PHACTR1: variants seen among roughly 807,000 people sequenced by gnomAD.
The protein encoded by PHACTR1 is phosphatase and actin regulator 1, also known as RPEL repeat containing 1.
In PHACTR1, 16 loss-of-function variants were observed where a neutral mutation model predicts 69.2. The observed-to-expected ratio is 0.23, with a 90% CI of 0.16 to 0.35. The LOEUF (loss-of-function observed/expected upper bound fraction) is 0.35, where lower values mean the gene tolerates loss of function less well. Ranked by LOEUF, PHACTR1 falls within the 10% of genes least tolerant of loss-of-function variation. The pLI, the probability that PHACTR1 is intolerant of heterozygous loss-of-function variation, is 1.00. For synonymous variants in PHACTR1, 312 were observed against 284.5 expected, an observed-to-expected ratio of 1.10 and a Z score of -0.97; for missense variants, 510 against 734.7, an observed-to-expected ratio of 0.69 and a Z score of 3.54.
chr6:13,231,041 G>GAGAA (rs1562036461), intron 10 of PHACTR1, among the ~76,000 whole-genome samples: 1 of 92,276 alleles, frequency 1.1e-5, no homozygotes, highest in Non-Finnish European at 2.0e-5. Flanking sequence ...GAGAGAGAGA[G>GAGAA]AGAAAGGAAG....
intron 4 of PHACTR1, among the ~76,000 whole-genome samples, chr6:12,827,045 C>T (rs1444012910): frequency 6.6e-6 from 1 of 152,206 alleles, no homozygotes; most frequent in Non-Finnish European, 1.5e-5. Context: ...CACTCGTTAT[C>T]GTCCTTCTTT....
chr6:12,766,833 A>G (rs1392417531), intron 4 of PHACTR1, among the ~76,000 whole-genome samples: 1 of 152,212 alleles, frequency 6.6e-6, no homozygotes, highest in Non-Finnish European at 1.5e-5. Flanking sequence ...TAATGTTCAA[A>G]TGTTTATTTC....
At chr6:12,952,105 G>C (rs1290701716) in intron 4 of PHACTR1, among the ~76,000 whole-genome samples, 1 of 152,118 alleles carries the variant, frequency 6.6e-6, no homozygotes, top group African/African-American at 2.4e-5. Flanking sequence ...AGCAGTTTTA[G>C]GTTCACAGCA....
At chr6:12,933,689 CTT>C in intron 4 of PHACTR1, 1 of 1,612,824 alleles carries the variant, frequency 6.2e-7, no homozygotes, top group Non-Finnish European at 8.5e-7. Context: ...AGTGCCAACT[CTT>C]GGGCGTCCTC....
intron 4 of PHACTR1, among the ~76,000 whole-genome samples, chr6:12,936,735 TC>T (rs1419183679): frequency 1.3e-5 from 2 of 152,218 alleles, no homozygotes; most frequent in African/African-American, 4.8e-5. Context: ...TGCAAGCAGG[TC>T]AAGAATTAGC....
At chr6:13,012,445 A>C (rs886305541) in intron 4 of PHACTR1, among the ~76,000 whole-genome samples, 1 of 152,236 alleles carries the variant, frequency 6.6e-6, no homozygotes, top group African/African-American at 2.4e-5. Flanking sequence ...GTGACAGTGC[A>C]TTCTTTAACT....
chr6:13,056,191 T>C (rs1225167082), intron 5 of PHACTR1, among the ~76,000 whole-genome samples: 1 of 152,204 alleles, frequency 6.6e-6, no homozygotes, highest in Admixed American at 6.5e-5. Flanking sequence ...GAGGATCCCT[T>C]GAGCCCAGGA....
chr6:13,040,875 C>T (rs931747286), intron 4 of PHACTR1, among the ~76,000 whole-genome samples: 1 of 152,072 alleles, frequency 6.6e-6, no homozygotes, highest in Non-Finnish European at 1.5e-5. Flanking sequence ...TTTTGAGAGG[C>T]CGATTAACTT....
chr6:12,803,826 A>T (rs1773981454), intron 4 of PHACTR1, among the ~76,000 whole-genome samples: 1 of 152,180 alleles, frequency 6.6e-6, no homozygotes, highest in Admixed American at 6.5e-5. Context: ...GTTGTGACAA[A>T]CAAAAAAATT....
At chr6:12,775,708 G>C (rs1769976636) in intron 4 of PHACTR1, among the ~76,000 whole-genome samples, 1 of 152,090 alleles carries the variant, frequency 6.6e-6, no homozygotes, top group Non-Finnish European at 1.5e-5. Flanking sequence ...TCTAACTCTA[G>C]TACATTTTTT....
In PHACTR1 at chr6:13,243,284, C is replaced by T. The variant is rs773079078; in HGVS notation, c.1391+13091C>T. Among the ~76,000 whole-genome samples, 742 of 130,302 alleles carry T rather than the reference C, an allele frequency of 5.7e-3. 2 individuals carry two copies. The highest frequency in any genetic ancestry group is 9.3e-3 in the Non-Finnish European group (560 of 60,150). The allele number at this position is 130,302 out of a possible 152,430, so 85.5% of individuals were successfully genotyped here. Reference sequence around the variant, plus strand: ...TTGCGAGATGTTCTTTTTTTCTTTTCTACAACCTTATAACCACTTATGAGC... The same window carrying T: ...TTGCGAGATGTTCTTTTTTTCTTTTTTACAACCTTATAACCACTTATGAGC... On this transcript the variant is annotated intron_variant, in intron 10 of 14. Transcript: ENST00000332995.
chr6:13,088,086 T>C (rs1320076902), intron 5 of PHACTR1, among the ~76,000 whole-genome samples: 2 of 152,076 alleles, frequency 1.3e-5, no homozygotes, highest in Non-Finnish European at 2.9e-5. Flanking sequence ...ACATAGTTCT[T>C]GAGGTCCAAC....
At chr6:13,107,167 GAGTGCAGT>G (rs948402935) in intron 5 of PHACTR1, among the ~76,000 whole-genome samples, 1 of 152,080 alleles carries the variant, frequency 6.6e-6, no homozygotes, top group African/African-American at 2.4e-5. Flanking sequence ...GCCCAGGCTG[GAGTGCAGT>G]AGTACACTCA....
intron 4 of PHACTR1, among the ~76,000 whole-genome samples, chr6:12,956,515 T>A (rs1791916734): frequency 6.6e-6 from 1 of 152,086 alleles, no homozygotes; most frequent in Non-Finnish European, 1.5e-5. Flanking sequence ...CTATCTAGAG[T>A]GGCCTGAGGG....
chr6:13,244,319 C>T (rs1654594093), intron 10 of PHACTR1, among the ~76,000 whole-genome samples: 1 of 152,200 alleles, frequency 6.6e-6, no homozygotes, highest in South Asian at 2.1e-4. Flanking sequence ...AGGACCACAG[C>T]TGCCAGGCGA....
intron 5 of PHACTR1, among the ~76,000 whole-genome samples, chr6:13,133,450 C>T (rs1490529481): frequency 6.6e-6 from 1 of 151,970 alleles, no homozygotes; most frequent in Admixed American, 6.6e-5. Context: ...CGCGCCGCCA[C>T]ACCTGACTGG....
chr6:12,907,716 G>A (rs557297137), intron 4 of PHACTR1, among the ~76,000 whole-genome samples: 7 of 150,752 alleles, frequency 4.6e-5, no homozygotes, highest in African/African-American at 1.7e-4. Context: ...GTTGGAGTTT[G>A]TGAGGGCCTC....
chr6:12,914,698 G>A (rs1396036606), intron 4 of PHACTR1, among the ~76,000 whole-genome samples: 1 of 151,926 alleles, frequency 6.6e-6, no homozygotes, highest in African/African-American at 2.4e-5. Flanking sequence ...TCAGGAGACA[G>A]AAATCACACG....
chr6:13,181,580 C>T (rs1278277281), intron 6 of PHACTR1, among the ~76,000 whole-genome samples: 1 of 152,204 alleles, frequency 6.6e-6, no homozygotes, highest in Non-Finnish European at 1.5e-5. Context: ...GCCTTTGATC[C>T]TGCACCGTGG....
Sources: gnomAD v4.1 joint callset for allele counts (sites outside exome capture counted in the v4.1 genomes callset) on GRCh38, gnomAD v4.1.1 for gene constraint, MANE v1.5 for transcripts, NCBI Gene and HGNC (gene_info 2026-07-23, HGNC 2026-07-21) for gene names.